Variants in MOB1B observed in about 807,000 individuals in gnomAD.
MOB1B encodes the protein MOB kinase activator 1B.
In MOB1B, 19 loss-of-function variants were observed where a neutral mutation model predicts 24.4. The observed-to-expected ratio is 0.78, with a 90% CI of 0.54 to 1.14. MOB1B has a LOEUF of 1.14. Among genes scored for constraint, MOB1B ranks in the 50% most tolerant of loss-of-function variants. MOB1B has a pLI of 0.00. For synonymous variants in MOB1B, 76 were observed against 82.1 expected (o/e 0.93, Z 0.40); for missense variants, 243 against 259.6 (o/e 0.94, Z 0.44).
At chr4:70,906,967 T>G (rs1192167429) in intron 1 of MOB1B, among the ~76,000 whole-genome samples, 1 of 152,210 alleles carries the variant, frequency 6.6e-6, no homozygotes, top group Non-Finnish European at 1.5e-5. Flanking sequence ...TTGTTCTACT[T>G]AGGCTTTAGG....
Position 70,931,071 on chromosome 4 carries a change from TGATAACC to T in MOB1B, c.15-27802_15-27796del, listed in dbSNP as rs1736874596. 2.0e-5 allele frequency among the ~76,000 whole-genome samples: 3 copies of T among 151,512 alleles called. No individual in the cohort carries two copies. The South Asian group carries it at 6.3e-4, about 32-fold the overall frequency. On this transcript the variant is annotated intron_variant, in intron 1 of 5. Coordinates refer to ENST00000309395, the MANE Select transcript of MOB1B (RefSeq NM_173468.4). ...CAGTGGGCCTTTCCTGACATCACAC[TGATAACC>T]ACTAGCTGCTTTTGTTAGACTTTGT...
At chr4:70,936,416 A>G (rs1230734768) in intron 1 of MOB1B, among the ~76,000 whole-genome samples, 1 of 152,118 alleles carries the variant, frequency 6.6e-6, no homozygotes, top group Non-Finnish European at 1.5e-5. Context: ...TCAGCAAAAC[A>G]CTAGGCTGGT....
At chr4:70,913,850 A>G (rs1736095933) in intron 1 of MOB1B, among the ~76,000 whole-genome samples, 1 of 151,998 alleles carries the variant, frequency 6.6e-6, no homozygotes, top group South Asian at 2.1e-4. Context: ...GATGATTGCC[A>G]AAGTGCTAAT....
chr4:70,912,572 C>G (rs1278593030), intron 1 of MOB1B, among the ~76,000 whole-genome samples: 1 of 152,102 alleles, frequency 6.6e-6, no homozygotes, highest in African/African-American at 2.4e-5. Flanking sequence ...GCCACCACGC[C>G]CGGCCTTAAA....
chr4:70,975,871 C>T (rs1156393524), intron 4 of MOB1B: 2 of 849,436 alleles, frequency 2.4e-6, no homozygotes, highest in Non-Finnish European at 1.4e-6. Flanking sequence ...AAGGTAAACC[C>T]TCTATTTTAT....
At chr4:70,971,372 G>T (rs924439686) in intron 3 of MOB1B, among the ~76,000 whole-genome samples, 1 of 151,906 alleles carries the variant, frequency 6.6e-6, no homozygotes, top group Admixed American at 6.6e-5. Flanking sequence ...GGGCGTGGTG[G>T]TGTGCATCTG....
intron 1 of MOB1B, among the ~76,000 whole-genome samples, chr4:70,903,162 C>G (rs1178888993): frequency 6.6e-6 from 1 of 152,128 alleles, no homozygotes; most frequent in African/African-American, 2.4e-5. Context: ...TGGAGCCGCC[C>G]CCTTGCTTCC....
chr4:70,902,732 C>T (rs972024826), intron 1 of MOB1B, among the ~76,000 whole-genome samples, 182 bp downstream of exon 1: 2 of 152,226 alleles, frequency 1.3e-5, no homozygotes, highest in Non-Finnish European at 2.9e-5. Flanking sequence ...TAACCGCCGC[C>T]TCCCCATAGG....
chr4:70,949,429 A>T (rs1418484777), intron 1 of MOB1B, among the ~76,000 whole-genome samples: 1 of 152,164 alleles, frequency 6.6e-6, no homozygotes, highest in Non-Finnish European at 1.5e-5. Flanking sequence ...AACACATTCT[A>T]TTTTGACAGC....
At chr4:70,934,730 A>G (rs1445994080) in intron 1 of MOB1B, among the ~76,000 whole-genome samples, 2 of 152,122 alleles carry the variant, frequency 1.3e-5, no homozygotes, top group African/African-American at 4.8e-5. Flanking sequence ...TGTTGGGATT[A>G]CAGGTGTGAG....
chr4:70,966,436 A>G (rs1280183531), intron 2 of MOB1B, among the ~76,000 whole-genome samples: 1 of 149,622 alleles, frequency 6.7e-6, no homozygotes, highest in African/African-American at 2.5e-5. Context: ...GTGCAATGGC[A>G]TGATCTCAGC....
At chr4:70,946,082 TTC>T (rs1226477208) in intron 1 of MOB1B, among the ~76,000 whole-genome samples, 91 of 119,160 alleles carry the variant, frequency 7.6e-4, no homozygotes, top group African/African-American at 2.1e-3. Context: ...TTTTTGTTTG[TTC>T]TTTTTTTTTT....
chr4:70,980,315 G>A (rs1217476290), intron 5 of MOB1B, among the ~76,000 whole-genome samples: 1 of 152,198 alleles, frequency 6.6e-6, no homozygotes, highest in Non-Finnish European at 1.5e-5. Flanking sequence ...GTTTGCATCT[G>A]TGTTTGGTTT....
At chr4:70,940,662 ATATTAGGGCATT>A (rs1737291604) in intron 1 of MOB1B, among the ~76,000 whole-genome samples, 1 of 151,838 alleles carries the variant, frequency 6.6e-6, no homozygotes, top group Non-Finnish European at 1.5e-5. Context: ...AATAAAAATA[ATATTAGGGCATT>A]AATTTTTTTT....
chr4:70,915,016 T>C (rs1470626786), intron 1 of MOB1B, among the ~76,000 whole-genome samples: 1 of 152,238 alleles, frequency 6.6e-6, no homozygotes, highest in Non-Finnish European at 1.5e-5. Flanking sequence ...TTAGAGATAC[T>C]GAATGTAGAA....
At chr4:70,954,060 C>G (rs1456589653) in intron 1 of MOB1B, among the ~76,000 whole-genome samples, 1 of 151,994 alleles carries the variant, frequency 6.6e-6, no homozygotes, top group Non-Finnish European at 1.5e-5. Context: ...CGTAGCACCC[C>G]CCCAAAAAAA....
intron 2 of MOB1B, among the ~76,000 whole-genome samples, chr4:70,968,322 T>C (rs1295109105): frequency 6.6e-6 from 1 of 152,208 alleles, no homozygotes; most frequent in Admixed American, 6.6e-5. Flanking sequence ...TTTTACTTTA[T>C]TTTTTTGAGA....
At chr4:70,915,791 T>C (rs957545790) in intron 1 of MOB1B, among the ~76,000 whole-genome samples, 2 of 151,924 alleles carry the variant, frequency 1.3e-5, no homozygotes, top group Non-Finnish European at 2.9e-5. Context: ...TCCCTACCTA[T>C]TGGGGATCGT....
intron 1 of MOB1B, among the ~76,000 whole-genome samples, chr4:70,940,130 G>A (rs1233704925): frequency 6.6e-6 from 1 of 151,376 alleles, no homozygotes; most frequent in Non-Finnish European, 1.5e-5. Context: ...TCCTCTCCAC[G>A]TCCAGCCGCT....
Sources: allele counts gnomAD v4.1 joint callset (sites outside exome capture counted in the v4.1 genomes callset), GRCh38; gene constraint gnomAD v4.1.1; transcripts MANE v1.5; gene names NCBI Gene and HGNC (gene_info 2026-07-23, HGNC 2026-07-21).